The following HOOK3 variants were observed in gnomAD, a reference collection of about 807,000 sequenced individuals.
HOOK3 encodes the protein hook microtubule tethering protein 3.
In HOOK3, 24 loss-of-function variants were observed where a neutral mutation model predicts 116.3. The observed-to-expected ratio is 0.21, with a 90% CI of 0.15 to 0.29. The LOEUF is 0.29. Among genes scored for constraint, HOOK3 ranks in the 10% least tolerant of loss-of-function variants. The probability of loss-of-function intolerance (pLI) is 1.00; values close to 1 mark genes in which losing one functional copy is unlikely to be tolerated. For missense variants in HOOK3, 632 were observed against 830.2 expected (o/e 0.76, Z 2.93); for synonymous variants, 275 against 283.0 (o/e 0.97, Z 0.28).
chr8:42,928,140 A>G (rs1807804270), intron 3 of HOOK3, among the ~76,000 whole-genome samples: 1 of 152,166 alleles, frequency 6.6e-6, no homozygotes, highest in Non-Finnish European at 1.5e-5. Context: ...TTAGCTGGAC[A>G]TGGTGTTGCA....
chr8:42,933,650 T>G (rs1807912192), intron 4 of HOOK3, among the ~76,000 whole-genome samples: 1 of 152,264 alleles, frequency 6.6e-6, no homozygotes. Flanking sequence ...GAGCCCATTT[T>G]CTAGTGGCAT....
At chr8:42,964,260 G>A in intron 8 of HOOK3, 51 bp from the exon 9 acceptor site, 1 of 1,554,596 alleles carries the variant, frequency 6.4e-7, no homozygotes, top group Non-Finnish European at 8.9e-7. Flanking sequence ...TGATTGAGCT[G>A]ATGCCAGTGT....
intron 16 of HOOK3, chr8:43,000,852 ATCTTC>A (rs1279832755): frequency 6.6e-6 from 1 of 152,280 alleles, no homozygotes; most frequent in African/African-American, 2.4e-5. Flanking sequence ...GTTACTACAT[ATCTTC>A]TCAGAGTTAA....
At chr8:42,922,160 C>T (rs1807669242) in intron 2 of HOOK3, among the ~76,000 whole-genome samples, 1 of 152,114 alleles carries the variant, frequency 6.6e-6, no homozygotes, top group African/African-American at 2.4e-5. Context: ...AGAAAATATA[C>T]CAATAAATCT....
In HOOK3 at chr8:42,997,424, A is replaced by G. The variant is rs544539481; in HGVS notation, c.1533-126A>G. ...CCACTCATGACATTAGGCCACTACT[A>G]TACTACTACTGCTATAACATGAGAC... On this transcript the variant is annotated intron_variant, in intron 15 of 21. Coordinates refer to ENST00000307602, the MANE Select transcript of HOOK3 (RefSeq NM_032410.4). 163 of 621,902 alleles carry G rather than the reference A, an allele frequency of 2.6e-4. No individual in the cohort carries two copies. In the Middle Eastern group the frequency reaches 3.5e-3, roughly 13 times the overall value. The allele number at this position is 621,902 out of a possible 1,614,324, so 38.5% of individuals were successfully genotyped here.
intron 13 of HOOK3, among the ~76,000 whole-genome samples, chr8:42,982,208 T>TG (rs550785812): frequency 6.9e-6 from 1 of 143,986 alleles, no homozygotes; most frequent in African/African-American, 2.6e-5. Flanking sequence ...TGAGCCAAGA[T>TG]CGTGCCATTG....
At chr8:42,903,338 CTTTTTTTTTT>C (rs1164136399) in intron 1 of HOOK3, among the ~76,000 whole-genome samples, 30 of 87,608 alleles carry the variant, frequency 3.4e-4, no homozygotes, top group South Asian at 1.6e-3. Context: ...TAATAGTTGT[CTTTTTTTTTT>C]TTTTTTTTTT....
In HOOK3 at chr8:43,027,492, G is replaced by A; in HGVS notation, c.*8994G>A. 4.5e-6 allele frequency: 2 copies of A among 443,556 alleles called. No homozygotes were observed. Among genetic ancestry groups the A allele is most frequent in the East Asian group, 5.0e-5 (1 of 20,030 alleles). 27.5% of individuals were successfully genotyped at this position (443,556 alleles called of 1,614,324 possible). ...CTACCTTACCCCCTGTTCTACTGAC[G>A]TGCTTTGCATGAGAAGCTCATCTAG... On this transcript the variant is annotated 3_prime_UTR_variant, in exon 22 of 22. Coordinates refer to ENST00000307602, the MANE Select transcript of HOOK3 (RefSeq NM_032410.4).
chr8:43,024,537 AAGG>A lies in HOOK3; in HGVS notation c.*6043_*6045del, dbSNP rs1586639784. 5.3e-6 allele frequency: 1 copy of A among 187,778 alleles called. No homozygotes were observed. Among genetic ancestry groups the A allele is most frequent in the Non-Finnish European group, 1.1e-5 (1 of 88,966 alleles). 11.6% of individuals were successfully genotyped at this position (187,778 alleles called of 1,614,324 possible). On this transcript the variant is annotated 3_prime_UTR_variant, in exon 22 of 22. Transcript: ENST00000307602. Reference sequence around the variant, plus strand: ...TCCAACCTAGTTTCATTACATTTAGAAGGAGGTTTCAGAGCTTATTCTTGATAA... The same window carrying A: ...TCCAACCTAGTTTCATTACATTTAGAAGGTTTCAGAGCTTATTCTTGATAA...
At chr8:43,000,316 T>C in intron 16 of HOOK3, 1 of 1,250,010 alleles carries the variant, frequency 8.0e-7, no homozygotes, top group Non-Finnish European at 1.0e-6. Flanking sequence ...TAGTGAGCAG[T>C]TTTTGGATTT....
intron 10 of HOOK3, among the ~76,000 whole-genome samples, chr8:42,967,628 A>G (rs1808655740): frequency 6.6e-6 from 1 of 152,110 alleles, no homozygotes; most frequent in Non-Finnish European, 1.5e-5. Flanking sequence ...CCTTCCCACT[A>G]GAACCAAACT....
At chr8:42,924,430 C>T (rs1033131469) in intron 2 of HOOK3, among the ~76,000 whole-genome samples, 6 of 151,258 alleles carry the variant, frequency 4.0e-5, no homozygotes, top group Admixed American at 1.3e-4. Flanking sequence ...ATTCTATCCT[C>T]GTTTCAATAT....
At chr8:42,923,820 A>G (rs1024170752) in intron 2 of HOOK3, among the ~76,000 whole-genome samples, 1 of 152,240 alleles carries the variant, frequency 6.6e-6, no homozygotes, top group South Asian at 2.1e-4. Flanking sequence ...TTATTTCTCA[A>G]TAAAGCTGTT....
intron 2 of HOOK3, among the ~76,000 whole-genome samples, chr8:42,924,300 A>G (rs1366889741): frequency 6.6e-6 from 1 of 151,962 alleles, no homozygotes. Flanking sequence ...GGGTTTGAAA[A>G]GTTTTGTCCT....
At chr8:42,942,851 G>A (rs1019468494) in intron 4 of HOOK3, among the ~76,000 whole-genome samples, 10 of 152,180 alleles carry the variant, frequency 6.6e-5, no homozygotes, top group African/African-American at 2.2e-4. Context: ...GTCAGTTTCC[G>A]TATAAAGAAA....
At position 43,024,469 on chromosome 8, in the gene HOOK3, C is replaced by T. The variant is rs1809896138; in HGVS notation, c.*5971C>T. 5.4e-6 allele frequency: 1 copy of T among 186,396 alleles called. No homozygotes were observed. Among genetic ancestry groups the T allele is most frequent in the Non-Finnish European group, 1.1e-5 (1 of 88,286 alleles). The allele number at this position is 186,396 out of a possible 1,614,324, so 11.5% of individuals were successfully genotyped here. A position where few individuals can be genotyped will look rare whatever the true frequency, so the allele number is the denominator to read the frequency against. On this transcript the variant is annotated 3_prime_UTR_variant, in exon 22 of 22. Transcript: ENST00000307602. ...TTTCCATTCAATAAGGATAATCTCT[C>T]TTCCTATCATTCTGTCAAAATGGCA...
intron 3 of HOOK3, 112 bp downstream of exon 3, chr8:42,925,741 A>C: frequency 1.5e-6 from 1 of 653,176 alleles, no homozygotes; most frequent in East Asian, 2.8e-5. Flanking sequence ...GGTAGCCTGT[A>C]ATGAAATAAT....
intron 11 of HOOK3, among the ~76,000 whole-genome samples, chr8:42,973,017 C>T (rs1230164645): frequency 6.6e-6 from 1 of 152,194 alleles, no homozygotes; most frequent in African/African-American, 2.4e-5. Context: ...AAAAGAATTT[C>T]AGACTACCTG....
At chr8:42,928,553 T>G (rs1292105061) in intron 3 of HOOK3, among the ~76,000 whole-genome samples, 3 of 152,172 alleles carry the variant, frequency 2.0e-5, no homozygotes, top group African/African-American at 7.2e-5. Context: ...ACTGGCTTGA[T>G]CAGAGAGAGT....
Sources: gnomAD v4.1 joint callset for allele counts (sites outside exome capture counted in the v4.1 genomes callset) on GRCh38, gnomAD v4.1.1 for gene constraint, MANE v1.5 for transcripts, NCBI Gene and HGNC (gene_info 2026-07-23, HGNC 2026-07-21) for gene names.